ASAP1: variants seen among roughly 807,000 people sequenced by gnomAD.
The protein encoded by ASAP1 is ArfGAP with SH3 domain, ankyrin repeat and PH domain 1.
Under a neutral mutation model 145.2 loss-of-function variants are expected in ASAP1, and 43 were observed. The observed-to-expected ratio is 0.30, with a 90% CI of 0.23 to 0.38. The LOEUF (loss-of-function observed/expected upper bound fraction) is 0.38, where lower values mean the gene tolerates loss of function less well. Among genes scored for constraint, ASAP1 ranks in the 10% least tolerant of loss-of-function variants. The pLI, the probability that ASAP1 is intolerant of heterozygous loss-of-function variation, is 1.00. For missense variants in ASAP1, 1,018 were observed against 1,355.3 expected, an observed-to-expected ratio of 0.75 and a Z score of 3.91; for synonymous variants, 546 against 515.5, an observed-to-expected ratio of 1.06 and a Z score of -0.80.
intron 18 of ASAP1, among the ~76,000 whole-genome samples, chr8:130,122,179 TAA>T (rs2097567317): frequency 7.9e-5 from 12 of 152,200 alleles, no homozygotes; most frequent in Admixed American, 7.9e-4. Context: ...CCTCTTGTTG[TAA>T]TTTCTTCATA....
rs151098414 is a variant in ASAP1, at chr8:130,370,053, C to T, written c.60-11910G>A. On this transcript the variant is annotated intron_variant, in intron 2 of 29. Coordinates refer to ENST00000518721, the MANE Select transcript of ASAP1 (RefSeq NM_018482.4). ...CAGTGGCTCACGCCTGTAATCCCAG[C>T]ACTTTGGGAGGCTGAGGTGGGGAGA... Among the ~76,000 whole-genome samples the T allele has an allele frequency of 8.1e-3, 1,241 of 152,294 alleles. 11 individuals are homozygous for T. Among genetic ancestry groups the T allele is most frequent in the Non-Finnish European group, 0.012 (798 of 68,020 alleles).
intron 2 of ASAP1, among the ~76,000 whole-genome samples, chr8:130,389,658 C>CT (rs1828183449): frequency 6.6e-6 from 1 of 152,144 alleles, no homozygotes; most frequent in Admixed American, 6.5e-5. Context: ...TGGAACAACT[C>CT]TACTCTCTGT....
chr8:130,374,033 T>TAAA (rs1313476574), intron 2 of ASAP1, among the ~76,000 whole-genome samples: 4 of 96,436 alleles, frequency 4.1e-5, no homozygotes, highest in Non-Finnish European at 8.4e-5. Context: ...GTAACTCCCT[T>TAAA]TAAAAAAAAA....
At position 130,161,779 on chromosome 8, in the gene ASAP1, A is replaced by G. The variant is rs562460608; in HGVS notation, c.910-1815T>C. On this transcript the variant is annotated intron_variant, in intron 11 of 29. Coordinates refer to ENST00000518721, the MANE Select transcript of ASAP1 (RefSeq NM_018482.4). ...GATTTTCTTGCAAAATTCTCCCTAA[A>G]TATTTCCTTTTAAAAAATACATATG... Among the ~76,000 whole-genome samples, 23 of 152,240 alleles carry G rather than the reference A, an allele frequency of 1.5e-4. No individual in the cohort carries two copies. In the South Asian group the frequency reaches 4.8e-3, roughly 32 times the overall value.
chr8:130,326,548 C>T (rs1824345151), intron 3 of ASAP1, among the ~76,000 whole-genome samples: 1 of 152,214 alleles, frequency 6.6e-6, no homozygotes, highest in Admixed American at 6.5e-5. Context: ...GTTGCAACAA[C>T]TTTCATTTTT....
At chr8:130,113,788 T>C (rs77374850) in intron 23 of ASAP1, among the ~76,000 whole-genome samples, 9 of 151,806 alleles carry the variant, frequency 5.9e-5, no homozygotes, top group Admixed American at 2.6e-4. Flanking sequence ...TTTTTTTTTT[T>C]CCTCTGAGAC....
At chr8:130,327,036 G>T (rs1398241935) in intron 3 of ASAP1, among the ~76,000 whole-genome samples, 1 of 152,210 alleles carries the variant, frequency 6.6e-6, no homozygotes, top group Non-Finnish European at 1.5e-5. Context: ...GGCAGCATCT[G>T]AGTAGCTAAG....
At chr8:130,127,816 G>T (rs1006939281) in intron 16 of ASAP1, 111 bp downstream of exon 16, 3 of 1,191,008 alleles carry the variant, frequency 2.5e-6, no homozygotes, top group South Asian at 3.2e-5. Flanking sequence ...TTTTGTGTGT[G>T]TATGTGAGTG....
intron 3 of ASAP1, among the ~76,000 whole-genome samples, chr8:130,322,359 C>T (rs965116234): frequency 6.6e-6 from 1 of 151,784 alleles, no homozygotes; most frequent in African/African-American, 2.4e-5. Flanking sequence ...CTCTTAGATG[C>T]AAATAAATTA....
At chr8:130,085,961 G>C (rs539513995) in intron 25 of ASAP1, among the ~76,000 whole-genome samples, 141 of 152,290 alleles carry the variant, frequency 9.3e-4, no homozygotes, top group Non-Finnish European at 1.8e-3. Flanking sequence ...TTCTGGCAGG[G>C]AAAAAGCCTG....
intron 12 of ASAP1, among the ~76,000 whole-genome samples, chr8:130,153,333 A>ATG (rs1491357069): frequency 3.3e-5 from 2 of 60,244 alleles, no homozygotes; most frequent in Admixed American, 2.8e-4. Context: ...TGCTTTTTAA[A>ATG]TATATATATA....
chr8:130,171,748 G>T (rs1813609178), intron 9 of ASAP1, among the ~76,000 whole-genome samples: 1 of 152,186 alleles, frequency 6.6e-6, no homozygotes, highest in Non-Finnish European at 1.5e-5. Flanking sequence ...GAGCATGTGG[G>T]CCCAGGCCTA....
At chr8:130,205,706 A>T (rs1816176594) in intron 5 of ASAP1, among the ~76,000 whole-genome samples, 1 of 150,368 alleles carries the variant, frequency 6.7e-6, no homozygotes, top group Middle Eastern at 3.5e-3. Flanking sequence ...GTCTTTATAT[A>T]TCAGACTTCA....
In ASAP1 at chr8:130,144,643, A is replaced by T. The variant is rs116078557; in HGVS notation, c.1081-7605T>A. The stretch of plus-strand genomic sequence containing the variant: ...TCTTCCCTCCAGATGCACGTTCCAA[A>T]TTCCAAACTTATTACTCTGTGGCCA... On this transcript the variant is annotated intron_variant, in intron 13 of 29. Coordinates refer to ENST00000518721, the MANE Select transcript of ASAP1 (RefSeq NM_018482.4). Among the ~76,000 whole-genome samples, 649 of 152,198 alleles carry T rather than the reference A, an allele frequency of 4.3e-3. 4 individuals are homozygous for T. Among genetic ancestry groups the T allele is most frequent in the African/African-American group, 0.015 (623 of 41,506 alleles).
At position 130,180,058 on chromosome 8, in the gene ASAP1, GAGGAGA is replaced by G. The variant is rs1170568930; in HGVS notation, c.660+687_660+692del. ...GAGGGAAGGAAGGAAGGGAGGGAGGGAGGAGAAGGGGAAGGGGAAGGGGGAAAGAGA... is the reference window on the plus strand; with the variant it reads ...GAGGGAAGGAAGGAAGGGAGGGAGGGAGGGGAAGGGGAAGGGGGAAAGAGA... On this transcript the variant is annotated intron_variant, in intron 8 of 29. Transcript: ENST00000518721. Among the ~76,000 whole-genome samples the G allele has an allele frequency of 5.8e-4, 83 of 142,866 alleles. 1 individual carries two copies. The highest frequency in any genetic ancestry group is 2.0e-3 in the African/African-American group (78 of 38,858). 93.7% of individuals were successfully genotyped at this position (142,866 alleles called of 152,430 possible).
chr8:130,375,210 C>T (rs959643658), intron 2 of ASAP1, among the ~76,000 whole-genome samples: 1 of 152,074 alleles, frequency 6.6e-6, no homozygotes, highest in African/African-American at 2.4e-5. Context: ...TGTGCTTAGT[C>T]GCAGGGCTCT....
At chr8:130,347,245 T>C (rs755994351) in intron 3 of ASAP1, among the ~76,000 whole-genome samples, 1 of 152,226 alleles carries the variant, frequency 6.6e-6, no homozygotes, top group Non-Finnish European at 1.5e-5. Context: ...TGTGGAATGT[T>C]GATTTTTCCT....
At position 130,118,154 on chromosome 8, in the gene ASAP1, A is replaced by G; in HGVS notation, c.1880+7T>C. The G allele has an allele frequency of 1.2e-6, 2 of 1,612,192 alleles. No homozygotes were observed. The highest frequency in any genetic ancestry group is 1.7e-6 in the Non-Finnish European group (2 of 1,178,488). ...AGGTAATTCAACAGAGAAAACAAAA[A>G]CGATACCAGTTTTGTACAAGGAAGT... On this transcript the variant is annotated splice_region_variant and intron_variant, in intron 20 of 29. Coordinates refer to ENST00000518721, the MANE Select transcript of ASAP1 (RefSeq NM_018482.4).
chr8:130,156,568 A>G (rs1262012031), intron 12 of ASAP1, among the ~76,000 whole-genome samples: 2 of 152,228 alleles, frequency 1.3e-5, no homozygotes, highest in Non-Finnish European at 2.9e-5. Context: ...AAAAGAACGA[A>G]GAAGTCAAGG....
Sources: gnomAD v4.1 joint callset for allele counts (sites outside exome capture counted in the v4.1 genomes callset) on GRCh38, gnomAD v4.1.1 for gene constraint, MANE v1.5 for transcripts, NCBI Gene and HGNC (gene_info 2026-07-23, HGNC 2026-07-21) for gene names.